The following SCAPER variants were observed in gnomAD, a reference collection of about 807,000 sequenced individuals.
The protein encoded by SCAPER is S-phase cyclin A associated protein in the ER, also known as S phase cyclin A-associated protein in the endoplasmic reticulum.
In SCAPER, 98 loss-of-function variants were observed where a neutral mutation model predicts 182.2. That is an observed-to-expected ratio of 0.54 (90% CI 0.46 to 0.64). SCAPER has a LOEUF of 0.64. SCAPER is among the 30% of genes least tolerant of loss of function. The probability of loss-of-function intolerance (pLI) is 0.00; values close to 1 mark genes in which losing one functional copy is unlikely to be tolerated. For missense variants in SCAPER, 1,432 were observed against 1,690.0 expected (o/e 0.85, Z 2.68); for synonymous variants, 605 against 564.6 (o/e 1.07, Z -1.01).
intron 26 of SCAPER, among the ~76,000 whole-genome samples, chr15:76,425,614 C>T (rs866368047): frequency 6.6e-6 from 1 of 152,214 alleles, no homozygotes; most frequent in Non-Finnish European, 1.5e-5. Context: ...CTTCTCTCAA[C>T]TTGTTAAAGT....
At chr15:76,469,004 T>C (rs1323159977) in intron 25 of SCAPER, among the ~76,000 whole-genome samples, 3 of 152,164 alleles carry the variant, frequency 2.0e-5, no homozygotes, top group Non-Finnish European at 4.4e-5. Flanking sequence ...CTACAGAATG[T>C]GAGAAATAAA....
intron 25 of SCAPER, among the ~76,000 whole-genome samples, chr15:76,443,238 G>A (rs1381620084): frequency 1.3e-5 from 2 of 152,060 alleles, no homozygotes; most frequent in Non-Finnish European, 2.9e-5. Context: ...AACTATGCAT[G>A]GATTTCAATT....
intron 5 of SCAPER, among the ~76,000 whole-genome samples, chr15:76,830,945 C>T (rs536438931): frequency 6.6e-6 from 1 of 152,108 alleles, no homozygotes; most frequent in Non-Finnish European, 1.5e-5. Context: ...CCATTCCTGG[C>T]CCAAAGTGGC....
At chr15:76,861,716 ACCT>A (rs1028778926) in intron 3 of SCAPER, 8 of 152,068 alleles carry the variant, frequency 5.3e-5, no homozygotes, top group South Asian at 4.2e-4. Context: ...TTTTTAAAAA[ACCT>A]CCTTTTATTT....
At chr15:76,569,303 T>C (rs143161096) in intron 23 of SCAPER, among the ~76,000 whole-genome samples, 3,259 of 152,286 alleles carry the variant, frequency 0.021, 41 homozygotes, top group South Asian at 0.034. Context: ...TCTTTTGAGA[T>C]GATATTTTTC....
intron 15 of SCAPER, among the ~76,000 whole-genome samples, chr15:76,738,256 G>A (rs1363210249): frequency 1.3e-5 from 2 of 152,120 alleles, no homozygotes; most frequent in African/African-American, 2.4e-5. Flanking sequence ...AGCCTCTTGA[G>A]TGGATGGGAC....
At chr15:76,387,237 G>A (rs1026908233) in intron 27 of SCAPER, among the ~76,000 whole-genome samples, 3 of 152,298 alleles carry the variant, frequency 2.0e-5, no homozygotes, top group Middle Eastern at 3.4e-3. Flanking sequence ...AGTGAAGAGC[G>A]CATGTCTCAG....
At chr15:76,804,814 G>A (rs886562148) in intron 5 of SCAPER, among the ~76,000 whole-genome samples, 181 bp from the exon 6 acceptor site, 1 of 151,218 alleles carries the variant, frequency 6.6e-6, no homozygotes, top group African/African-American at 2.4e-5. Context: ...AAATATAATA[G>A]GTTGAAAGTC....
At chr15:76,726,124 A>AATATATATATATATTTATAT (rs2060571670) in intron 17 of SCAPER, among the ~76,000 whole-genome samples, 1 of 15,348 alleles carries the variant, frequency 6.5e-5, no homozygotes, top group Non-Finnish European at 1.8e-4. Context: ...TAATGTCTAG[A>AATATATATATATATTTATAT]ATATATATAT....
At chr15:76,515,556 C>T (rs995092477) in intron 23 of SCAPER, among the ~76,000 whole-genome samples, 8 of 152,182 alleles carry the variant, frequency 5.3e-5, no homozygotes, top group African/African-American at 1.7e-4. Flanking sequence ...CATGGACAAA[C>T]TCTAATGGGT....
intron 23 of SCAPER, among the ~76,000 whole-genome samples, chr15:76,555,658 G>A (rs2046139621): frequency 1.3e-5 from 2 of 152,130 alleles, no homozygotes; most frequent in Admixed American, 6.5e-5. Context: ...ATACATAATA[G>A]TAAAGGATTC....
intron 17 of SCAPER, among the ~76,000 whole-genome samples, chr15:76,715,393 T>C (rs1351393819): frequency 1.3e-5 from 2 of 152,108 alleles, no homozygotes; most frequent in African/African-American, 2.4e-5. Flanking sequence ...GAAGCTCGGC[T>C]GAGCTGTGAA....
In SCAPER at chr15:76,440,907, G is replaced by T. The variant is rs1408768554; in HGVS notation, c.3079-6597C>A. On this transcript the variant is annotated intron_variant, in intron 25 of 31. Coordinates refer to ENST00000563290, the MANE Select transcript of SCAPER (RefSeq NM_020843.4). ...ATCTTTTAAAATTATTCCCCTTCTG[G>T]TTTTTTTTTTGTTTTTTTTTTTTTT... Among the ~76,000 whole-genome samples, 133 of 82,858 alleles carry T rather than the reference G, an allele frequency of 1.6e-3. 1 individual carries two copies. Among genetic ancestry groups the T allele is most frequent in the Non-Finnish European group, 2.4e-3 (108 of 44,532 alleles). 54.4% of individuals were successfully genotyped at this position (82,858 alleles called of 152,430 possible).
intron 23 of SCAPER, among the ~76,000 whole-genome samples, chr15:76,510,774 T>A (rs867156326): frequency 6.6e-6 from 1 of 152,246 alleles, no homozygotes; most frequent in Non-Finnish European, 1.5e-5. Context: ...TGCTCACGCA[T>A]GTTTATAGCA....
At chr15:76,578,886 G>A (rs1182899259) in intron 22 of SCAPER, among the ~76,000 whole-genome samples, 1 of 152,190 alleles carries the variant, frequency 6.6e-6, no homozygotes, top group Admixed American at 6.5e-5. Context: ...TGGAGAAACA[G>A]AGATAAGTGA....
intron 15 of SCAPER, among the ~76,000 whole-genome samples, chr15:76,751,274 A>T (rs2062069712): frequency 6.6e-6 from 1 of 151,786 alleles, no homozygotes; most frequent in Admixed American, 6.6e-5. Context: ...AAACCAGAAC[A>T]CTTAATATTG....
intron 27 of SCAPER, among the ~76,000 whole-genome samples, chr15:76,387,924 A>G (rs1332530883): frequency 1.3e-5 from 2 of 152,236 alleles, no homozygotes; most frequent in Non-Finnish European, 2.9e-5. Context: ...TTAGGTGCCT[A>G]CCAGTTCAAA....
intron 2 of SCAPER, among the ~76,000 whole-genome samples, chr15:76,876,363 C>T (rs1044275157): frequency 6.0e-5 from 9 of 150,202 alleles, no homozygotes; most frequent in Non-Finnish European, 1.0e-4. Flanking sequence ...GCTGCCAGCA[C>T]GCTGTCACCT....
chr15:76,790,701 T>C (rs1414088227), intron 8 of SCAPER, among the ~76,000 whole-genome samples: 1 of 152,196 alleles, frequency 6.6e-6, no homozygotes, highest in Non-Finnish European at 1.5e-5. Context: ...TAACAATCAC[T>C]TCTTGGTCTT....
Sources: allele counts gnomAD v4.1 joint callset (sites outside exome capture counted in the v4.1 genomes callset), GRCh38; gene constraint gnomAD v4.1.1; transcripts MANE v1.5; gene names NCBI Gene and HGNC (gene_info 2026-07-23, HGNC 2026-07-21).